HCN1: variants seen among roughly 807,000 people sequenced by gnomAD.
HCN1 encodes potassium/sodium hyperpolarization-activated cyclic nucleotide-gated channel 1.
A neutral mutation model predicts 78.9 loss-of-function variants in HCN1; 13 were observed. That is an observed-to-expected ratio of 0.16 (90% CI 0.11 to 0.26). The LOEUF (loss-of-function observed/expected upper bound fraction) is 0.26, where lower values mean the gene tolerates loss of function less well. Among genes scored for constraint, HCN1 ranks in the 10% least tolerant of loss-of-function variants. The pLI is 1.00. For missense variants in HCN1, 810 were observed against 1,154.3 expected, an observed-to-expected ratio of 0.70 and a Z score of 4.32; for synonymous variants, 552 against 455.5, an observed-to-expected ratio of 1.21 and a Z score of -2.70.
chr5:45,430,447 C>T (rs991594328), intron 3 of HCN1, among the ~76,000 whole-genome samples: 4 of 151,836 alleles, frequency 2.6e-5, no homozygotes, highest in East Asian at 3.9e-4. Context: ...TTCTCCCACC[C>T]TCCACCCTCA....
At chr5:45,585,757 G>C (rs567520587) in intron 2 of HCN1, among the ~76,000 whole-genome samples, 6 of 152,286 alleles carry the variant, frequency 3.9e-5, no homozygotes, top group African/African-American at 1.4e-4. Context: ...GGGACCCTCA[G>C]CTGCAGGTCT....
intron 4 of HCN1, among the ~76,000 whole-genome samples, chr5:45,360,478 A>C (rs1747087960): frequency 6.6e-6 from 1 of 152,040 alleles, no homozygotes; most frequent in South Asian, 2.1e-4. Context: ...TTATTATCCT[A>C]CATTTAAAAA....
intron 2 of HCN1, among the ~76,000 whole-genome samples, chr5:45,579,480 G>GT (rs1201049758): frequency 6.6e-6 from 1 of 151,920 alleles, no homozygotes; most frequent in African/African-American, 2.4e-5. Context: ...TCTCCTGCAA[G>GT]TATCTACCAT....
intron 2 of HCN1, among the ~76,000 whole-genome samples, chr5:45,486,194 A>T (rs1741760546): frequency 6.6e-6 from 1 of 152,138 alleles, no homozygotes; most frequent in Admixed American, 6.6e-5. Flanking sequence ...CAAGACTGGG[A>T]GAAAGGTGTT....
intron 2 of HCN1, among the ~76,000 whole-genome samples, chr5:45,523,425 A>C (rs1742656884): frequency 6.6e-6 from 1 of 152,020 alleles, no homozygotes; most frequent in African/African-American, 2.4e-5. Context: ...ATCCCTGAGG[A>C]ATCGCCACAC....
intron 3 of HCN1, among the ~76,000 whole-genome samples, chr5:45,400,911 A>T (rs540948501): frequency 6.6e-6 from 1 of 152,116 alleles, no homozygotes; most frequent in Non-Finnish European, 1.5e-5. Flanking sequence ...AATGAATCCT[A>T]TTATATATGC....
At chr5:45,381,988 G>T (rs1747818461) in intron 4 of HCN1, among the ~76,000 whole-genome samples, 1 of 152,136 alleles carries the variant, frequency 6.6e-6, no homozygotes, top group Non-Finnish European at 1.5e-5. Flanking sequence ...TCCAGCCATT[G>T]TCCTCCGCAC....
At chr5:45,655,673 G>GTCTATATCAAA (rs1745750345) in intron 1 of HCN1, among the ~76,000 whole-genome samples, 1 of 152,072 alleles carries the variant, frequency 6.6e-6, no homozygotes, top group African/African-American at 2.4e-5. Flanking sequence ...TATGTCTTTT[G>GTCTATATCAAA]ATATAGAAGC....
chr5:45,383,471 G>A (rs1031345620), intron 4 of HCN1, among the ~76,000 whole-genome samples: 1 of 152,104 alleles, frequency 6.6e-6, no homozygotes, highest in Admixed American at 6.6e-5. Flanking sequence ...CGAGGCGGAC[G>A]AATCACCTGA....
In HCN1 at chr5:45,282,741, G is replaced by A. The variant is rs575385982; in HGVS notation, c.1619-15488C>T. On this transcript the variant is annotated intron_variant, in intron 6 of 7. Transcript: ENST00000303230. ...TTCTGTGTTATGGGAAATATACCCCGTAGGACTAACTAGTAATTCTTTCAA... is the reference window on the plus strand; with the variant it reads ...TTCTGTGTTATGGGAAATATACCCCATAGGACTAACTAGTAATTCTTTCAA... 6.7e-4 allele frequency among the ~76,000 whole-genome samples: 102 copies of A among 152,230 alleles called. 1 individual carries two copies. The Middle Eastern group carries it at 0.014, about 20-fold the overall frequency.
chr5:45,471,031 G>A (rs894553995), intron 2 of HCN1, among the ~76,000 whole-genome samples: 14 of 151,870 alleles, frequency 9.2e-5, no homozygotes, highest in Non-Finnish European at 4.4e-5. Context: ...TGTCTTACCT[G>A]TTTAATAACA....
At chr5:45,682,903 T>G (rs964615330) in intron 1 of HCN1, among the ~76,000 whole-genome samples, 1 of 152,146 alleles carries the variant, frequency 6.6e-6, no homozygotes, top group African/African-American at 2.4e-5. Flanking sequence ...TTCTCATGTC[T>G]TTGCAATCTT....
Position 45,355,477 on chromosome 5 carries a change from T to C in HCN1, c.1231-2231A>G, listed in dbSNP as rs549592089. On this transcript the variant is annotated intron_variant, in intron 4 of 7. Coordinates refer to ENST00000303230, the MANE Select transcript of HCN1 (RefSeq NM_021072.4). The stretch of plus-strand genomic sequence containing the variant: ...AGGTCCTTCATACACAAAAATTTCA[T>C]AATCGCTGCTATATGCCAAGTACTG... 2.6e-5 allele frequency among the ~76,000 whole-genome samples: 4 copies of C among 152,104 alleles called. No homozygotes were observed. The East Asian group carries it at 5.8e-4, about 22-fold the overall frequency.
At chr5:45,535,642 TAATA>T (rs1387988400) in intron 2 of HCN1, among the ~76,000 whole-genome samples, 1 of 151,944 alleles carries the variant, frequency 6.6e-6, no homozygotes, top group East Asian at 1.9e-4. Context: ...GACAGGAATA[TAATA>T]AATATAATAG....
intron 6 of HCN1, among the ~76,000 whole-genome samples, chr5:45,292,533 A>C (rs1561091496): frequency 1.3e-5 from 2 of 152,164 alleles, no homozygotes; most frequent in East Asian, 1.9e-4. Flanking sequence ...ATTTGAAATT[A>C]GAAAACAATT....
chr5:45,473,264 T>C (rs1196684612), intron 2 of HCN1, among the ~76,000 whole-genome samples: 4 of 151,986 alleles, frequency 2.6e-5, no homozygotes, highest in Non-Finnish European at 5.9e-5. Flanking sequence ...ACTGCACAAC[T>C]ACTTCATGGT....
At chr5:45,498,377 T>C (rs1742098359) in intron 2 of HCN1, among the ~76,000 whole-genome samples, 1 of 152,216 alleles carries the variant, frequency 6.6e-6, no homozygotes, top group Non-Finnish European at 1.5e-5. Context: ...GTTCATCGCA[T>C]TGGCTCCTGA....
chr5:45,641,106 C>A (rs1187294287), intron 2 of HCN1, among the ~76,000 whole-genome samples: 3 of 152,068 alleles, frequency 2.0e-5, no homozygotes, highest in African/African-American at 4.8e-5. Flanking sequence ...TAATACAGGG[C>A]AGGTTTGGGA....
chr5:45,679,974 T>G (rs185451621), intron 1 of HCN1, among the ~76,000 whole-genome samples: 6 of 152,048 alleles, frequency 3.9e-5, no homozygotes, highest in African/African-American at 1.4e-4. Flanking sequence ...GAAAGAATCA[T>G]GGAACTAGAT....
Sources: allele counts gnomAD v4.1 joint callset (sites outside exome capture counted in the v4.1 genomes callset), GRCh38; gene constraint gnomAD v4.1.1; transcripts MANE v1.5; gene names NCBI Gene and HGNC (gene_info 2026-07-23, HGNC 2026-07-21).